Variants in ADAMTS16 observed in about 807,000 individuals in gnomAD.
ADAMTS16 encodes the protein ADAM metallopeptidase with thrombospondin type 1 motif 16.
Under a neutral mutation model 145.8 loss-of-function variants are expected in ADAMTS16, and 94 were observed. The observed-to-expected ratio is 0.64, with a 90% CI of 0.55 to 0.77. The LOEUF is 0.77. ADAMTS16 is among the 30% of genes least tolerant of loss of function. ADAMTS16 has a pLI of 0.00. For missense variants in ADAMTS16, 1,585 were observed against 1,591.5 expected, an observed-to-expected ratio of 1.00 and a Z score of 0.07; for synonymous variants, 659 against 604.3, an observed-to-expected ratio of 1.09 and a Z score of -1.33.
intron 21 of ADAMTS16, among the ~76,000 whole-genome samples, chr5:5,308,765 AT>A (rs1740294315): frequency 6.6e-6 from 1 of 152,098 alleles, no homozygotes; most frequent in Non-Finnish European, 1.5e-5. Flanking sequence ...CCTGCCCAAC[AT>A]GGTGAAACCC....
intron 3 of ADAMTS16, among the ~76,000 whole-genome samples, chr5:5,166,728 C>A (rs1310952624): frequency 6.6e-6 from 1 of 152,198 alleles, no homozygotes; most frequent in African/African-American, 2.4e-5. Flanking sequence ...GCTGTCCCTT[C>A]CATAGGATGA....
intron 18 of ADAMTS16, among the ~76,000 whole-genome samples, chr5:5,271,841 C>T (rs1163153822): frequency 6.6e-6 from 1 of 152,154 alleles, no homozygotes; most frequent in Non-Finnish European, 1.5e-5. Flanking sequence ...GTAGCCCCGT[C>T]TCCACTTGAT....
chr5:5,315,675 AG>A (rs1408012893), intron 21 of ADAMTS16, among the ~76,000 whole-genome samples: 1 of 152,206 alleles, frequency 6.6e-6, no homozygotes, highest in Non-Finnish European at 1.5e-5. Flanking sequence ...GTGAGCTAAG[AG>A]GGTGTCTGGA....
At chr5:5,230,154 T>C (rs2126364530) in intron 11 of ADAMTS16, among the ~76,000 whole-genome samples, 1 of 151,692 alleles carries the variant, frequency 6.6e-6, no homozygotes, top group South Asian at 2.1e-4. Flanking sequence ...GAGATGGAGC[T>C]GGCAAGATCC....
chr5:5,173,639 A>T (rs1469721981), intron 3 of ADAMTS16, among the ~76,000 whole-genome samples: 1 of 151,794 alleles, frequency 6.6e-6, no homozygotes, highest in Non-Finnish European at 1.5e-5. Context: ...ACGCCCAGCT[A>T]ATTTTTTGTA....
chr5:5,179,878 A>G (rs1186059284), intron 3 of ADAMTS16, among the ~76,000 whole-genome samples: 3 of 152,178 alleles, frequency 2.0e-5, no homozygotes, highest in African/African-American at 7.2e-5. Flanking sequence ...CCCAGTGGTA[A>G]CACTGCAGCC....
intron 18 of ADAMTS16, among the ~76,000 whole-genome samples, chr5:5,281,702 C>T (rs1056303896): frequency 6.6e-6 from 1 of 150,968 alleles, no homozygotes; most frequent in African/African-American, 2.4e-5. Flanking sequence ...GAGTTGGCCA[C>T]TGGGGATTGT....
chr5:5,243,326 G>A (rs1333300961), intron 17 of ADAMTS16, among the ~76,000 whole-genome samples: 1 of 152,208 alleles, frequency 6.6e-6, no homozygotes, highest in Admixed American at 6.5e-5. Flanking sequence ...AGGATAGCAA[G>A]CATGTTGCTC....
chr5:5,195,337 C>T (rs1735774007), intron 8 of ADAMTS16, among the ~76,000 whole-genome samples: 1 of 152,272 alleles, frequency 6.6e-6, no homozygotes, highest in South Asian at 2.1e-4. Context: ...GGCTGAACTG[C>T]GCATTTGGGA....
intron 3 of ADAMTS16, among the ~76,000 whole-genome samples, chr5:5,159,536 A>G (rs1204853029): frequency 6.6e-6 from 1 of 152,186 alleles, no homozygotes; most frequent in African/African-American, 2.4e-5. Flanking sequence ...GTGTAATACA[A>G]ATAAAATCTA....
At chr5:5,164,610 G>A (rs916628956) in intron 3 of ADAMTS16, among the ~76,000 whole-genome samples, 2 of 152,198 alleles carry the variant, frequency 1.3e-5, no homozygotes, top group East Asian at 1.9e-4. Flanking sequence ...GTAGGAGCCC[G>A]CCAGCCCTGG....
At chr5:5,286,714 C>T (rs1160815954) in intron 18 of ADAMTS16, among the ~76,000 whole-genome samples, 9 of 151,838 alleles carry the variant, frequency 5.9e-5, no homozygotes, top group African/African-American at 1.4e-4. Context: ...AAAAATTACC[C>T]AGGTGCGGTG....
At chr5:5,168,252 T>C (rs1033276226) in intron 3 of ADAMTS16, among the ~76,000 whole-genome samples, 1 of 151,888 alleles carries the variant, frequency 6.6e-6, no homozygotes, top group African/African-American at 2.4e-5. Flanking sequence ...TCCATTTTTA[T>C]GAGGCATGTC....
In ADAMTS16 at chr5:5,251,828, C is replaced by T. The variant is rs540341711; in HGVS notation, c.2662+9637C>T. Among the ~76,000 whole-genome samples, 3 of 152,318 alleles carry T rather than the reference C, an allele frequency of 2.0e-5. No individual in the cohort carries two copies. The East Asian group carries it at 5.8e-4, about 29-fold the overall frequency. On this transcript the variant is annotated intron_variant, in intron 17 of 22. Transcript: ENST00000274181. The stretch of plus-strand genomic sequence containing the variant: ...CAGCCCAGACCTACTGAATCAAAAG[C>T]CCTGGGCATGGGGCCAAGTACTCGG...
At chr5:5,151,315 T>A (rs1734451132) in intron 3 of ADAMTS16, among the ~76,000 whole-genome samples, 1 of 151,974 alleles carries the variant, frequency 6.6e-6, no homozygotes, top group Admixed American at 6.6e-5. Context: ...CTCAGCTCAC[T>A]GCAACCTCCG....
chr5:5,290,846 C>T (rs1421232269), intron 18 of ADAMTS16, among the ~76,000 whole-genome samples: 3 of 152,136 alleles, frequency 2.0e-5, no homozygotes, highest in Non-Finnish European at 2.9e-5. Flanking sequence ...ACCTGAAAGG[C>T]CTGTTCTTCC....
At chr5:5,183,703 C>T (rs1735410045) in intron 4 of ADAMTS16, among the ~76,000 whole-genome samples, 1 of 152,192 alleles carries the variant, frequency 6.6e-6, no homozygotes, top group African/African-American at 2.4e-5. Flanking sequence ...TAAGGCACAG[C>T]TCTGTGTGCA....
At position 5,237,002 on chromosome 5, in the gene ADAMTS16, A is replaced by C; in HGVS notation, c.2057A>C (p.Glu686Ala). 1 of 1,613,948 alleles carries C rather than the reference A, an allele frequency of 6.2e-7. No homozygotes were observed. The highest frequency in any genetic ancestry group is 1.1e-5 in the South Asian group (1 of 91,064). ...TTATGCAAACTCTACTGTATCGCAG[A>C]AGGATTTGATTTCTTCTTTTCTTTG... ...QDLCKLYCIA[E>A]GFDFFFSLSN... is the part of the protein sequence containing the mutation. Residue 686 changes from glutamate to alanine, a missense_variant, in exon 14 of 23, where the codon GAA becomes GCA. Physicochemically the swap from Glu to Ala is moderately radical, Grantham distance 107 (BLOSUM62 -1). Coordinates refer to ENST00000274181, the MANE Select transcript of ADAMTS16 (RefSeq NM_139056.4).
At chr5:5,261,590 G>A (rs150318641) in intron 17 of ADAMTS16, among the ~76,000 whole-genome samples, 3,184 of 149,244 alleles carry the variant, frequency 0.021, 37 homozygotes, top group Non-Finnish European at 0.032. Context: ...TGGTTCCAGC[G>A]ATTCTTCTGC....
Sources: gnomAD v4.1 joint callset for allele counts (sites outside exome capture counted in the v4.1 genomes callset) on GRCh38, gnomAD v4.1.1 for gene constraint, MANE v1.5 for transcripts, NCBI Gene and HGNC (gene_info 2026-07-23, HGNC 2026-07-21) for gene names.